Variants in KCNT2 observed in about 807,000 individuals in gnomAD.
KCNT2 encodes the protein potassium channel subfamily T member 2.
In KCNT2, 67 loss-of-function variants were observed where a neutral mutation model predicts 153.8. That is an observed-to-expected ratio of 0.44 (90% CI 0.36 to 0.53). KCNT2 has a LOEUF of 0.53. Among genes scored for constraint, KCNT2 ranks in the 20% least tolerant of loss-of-function variants. KCNT2 has a pLI of 0.00. For missense variants in KCNT2, 975 were observed against 1,354.8 expected, an observed-to-expected ratio of 0.72 and a Z score of 4.40; for synonymous variants, 500 against 458.8, an observed-to-expected ratio of 1.09 and a Z score of -1.15.
At chr1:196,296,536 T>C (rs762593644) in intron 22 of KCNT2, among the ~76,000 whole-genome samples, 5 of 152,018 alleles carry the variant, frequency 3.3e-5, no homozygotes, top group Non-Finnish European at 5.9e-5. Flanking sequence ...CTGAAAATAG[T>C]AAACTAATTA....
intron 9 of KCNT2, 55 bp from the exon 10 acceptor site, chr1:196,428,324 C>A: frequency 1.7e-6 from 2 of 1,194,314 alleles, no homozygotes; most frequent in Non-Finnish European, 2.5e-6. Context: ...ATAAATAAAT[C>A]AATGCAATAC....
chr1:196,245,154 G>A (rs971381584), intron 26 of KCNT2, among the ~76,000 whole-genome samples: 2 of 152,116 alleles, frequency 1.3e-5, no homozygotes, highest in Non-Finnish European at 2.9e-5. Context: ...GGGGTGCACC[G>A]TGAGTAGATA....
chr1:196,290,683 G>A (rs964846712), intron 22 of KCNT2, among the ~76,000 whole-genome samples: 1 of 151,552 alleles, frequency 6.6e-6, no homozygotes, highest in Admixed American at 6.6e-5. Flanking sequence ...TTAAATAAAT[G>A]TATCATTTAT....
At chr1:196,566,560 A>G (rs1660137193) in intron 1 of KCNT2, among the ~76,000 whole-genome samples, 1 of 152,114 alleles carries the variant, frequency 6.6e-6, no homozygotes, top group Non-Finnish European at 1.5e-5. Context: ...GTCAGGTGTG[A>G]AGTAGTAAAA....
chr1:196,281,043 T>C lies in KCNT2; in HGVS notation c.2782-55A>G, dbSNP rs2147868594. The C allele has an allele frequency of 2.2e-6, 3 of 1,379,972 alleles. 1 individual carries two copies. The South Asian group carries it at 3.6e-5, about 16-fold the overall frequency. The allele number at this position is 1,379,972 out of a possible 1,614,324, so 85.5% of individuals were successfully genotyped here. A position where few individuals can be genotyped will look rare whatever the true frequency, so the allele number is the denominator to read the frequency against. ...AAATGTGTCAGAAATAAAAACCTAG[T>C]GGTAACTTTACATTTCTTTATTTGC... On this transcript the variant is annotated intron_variant, in intron 24 of 27. Coordinates refer to ENST00000294725, the MANE Select transcript of KCNT2 (RefSeq NM_198503.5).
At chr1:196,477,830 C>T (rs574328509) in intron 5 of KCNT2, among the ~76,000 whole-genome samples, 1 of 152,258 alleles carries the variant, frequency 6.6e-6, no homozygotes, top group South Asian at 2.1e-4. Context: ...TAGTTTCCAC[C>T]CTGGTGATTA....
intron 1 of KCNT2, among the ~76,000 whole-genome samples, chr1:196,508,029 A>G (rs1263895781): frequency 6.6e-6 from 1 of 151,896 alleles, no homozygotes; most frequent in East Asian, 1.9e-4. Flanking sequence ...TGGAAGCTGT[A>G]CAGAGAAGGA....
chr1:196,489,390 A>C (rs935230503), intron 3 of KCNT2, among the ~76,000 whole-genome samples: 1 of 152,016 alleles, frequency 6.6e-6, no homozygotes, highest in African/African-American at 2.4e-5. Flanking sequence ...ATTAGGTAGA[A>C]TATGTAAAAG....
intron 1 of KCNT2, among the ~76,000 whole-genome samples, chr1:196,503,859 T>C (rs897761023): frequency 6.6e-6 from 1 of 152,146 alleles, no homozygotes. Context: ...TGCACTTAAC[T>C]GGAAGAAGTC....
intron 25 of KCNT2, among the ~76,000 whole-genome samples, chr1:196,260,416 A>G (rs1406874466): frequency 6.6e-6 from 1 of 151,892 alleles, no homozygotes; most frequent in South Asian, 2.1e-4. Context: ...CATCTACAAG[A>G]TGAACTGAAA....
intron 22 of KCNT2, among the ~76,000 whole-genome samples, chr1:196,288,747 C>T (rs1441162847): frequency 1.3e-5 from 2 of 152,082 alleles, no homozygotes; most frequent in African/African-American, 4.8e-5. Context: ...CAGATGATTG[C>T]ACCTTCTGTA....
At chr1:196,406,137 G>A (rs1572339155) in intron 12 of KCNT2, among the ~76,000 whole-genome samples, 1 of 151,402 alleles carries the variant, frequency 6.6e-6, no homozygotes. Context: ...GGTCTAATAT[G>A]TAGACTGTTA....
At chr1:196,478,106 C>T (rs1186855183) in intron 5 of KCNT2, among the ~76,000 whole-genome samples, 1 of 152,226 alleles carries the variant, frequency 6.6e-6, no homozygotes, top group African/African-American at 2.4e-5. Flanking sequence ...GTCCTTCAAA[C>T]TTAGAAGCTA....
At chr1:196,591,444 T>C (rs940527706) in intron 1 of KCNT2, among the ~76,000 whole-genome samples, 3 of 152,094 alleles carry the variant, frequency 2.0e-5, no homozygotes. Context: ...ACACTTGTCA[T>C]ATACCACCCC....
intron 14 of KCNT2, among the ~76,000 whole-genome samples, chr1:196,372,447 T>C (rs1363177367): frequency 6.6e-6 from 1 of 151,942 alleles, no homozygotes; most frequent in African/African-American, 2.4e-5. Flanking sequence ...TGACAAGATA[T>C]GAAATGAAGT....
chr1:196,344,998 G>C (rs1666015394), intron 14 of KCNT2, among the ~76,000 whole-genome samples: 1 of 151,994 alleles, frequency 6.6e-6, no homozygotes. Flanking sequence ...AGAAATGCTA[G>C]ACATCAATAT....
At chr1:196,607,845 C>T (rs1572964573) in intron 1 of KCNT2, among the ~76,000 whole-genome samples, 1 of 152,228 alleles carries the variant, frequency 6.6e-6, no homozygotes, top group African/African-American at 2.4e-5. Context: ...TGATTAACCA[C>T]ACCTAAGGAA....
intron 4 of KCNT2, among the ~76,000 whole-genome samples, chr1:196,481,239 T>A (rs537730737): frequency 6.6e-6 from 1 of 152,132 alleles, no homozygotes; most frequent in Admixed American, 6.5e-5. Context: ...ATATACAGAC[T>A]TCACAATCAT....
intron 12 of KCNT2, among the ~76,000 whole-genome samples, chr1:196,399,683 A>G (rs1433470011): frequency 6.6e-6 from 1 of 151,776 alleles, no homozygotes; most frequent in African/African-American, 2.4e-5. Flanking sequence ...TATAGACAGA[A>G]TGATCATGTC....
Sources: gnomAD v4.1 joint callset for allele counts (sites outside exome capture counted in the v4.1 genomes callset) on GRCh38, gnomAD v4.1.1 for gene constraint, MANE v1.5 for transcripts, NCBI Gene and HGNC (gene_info 2026-07-23, HGNC 2026-07-21) for gene names.